Variants in FMNL3 observed in about 807,000 individuals in gnomAD.
The protein encoded by FMNL3 is formin-like protein 3.
Under a neutral mutation model 119.6 loss-of-function variants are expected in FMNL3, and 57 were observed. That is an observed-to-expected ratio of 0.48 (90% CI 0.39 to 0.59). FMNL3 has a LOEUF of 0.59. FMNL3 is among the 20% of genes least tolerant of loss of function. FMNL3 has a pLI of 0.00. For missense variants in FMNL3, 1,053 were observed against 1,323.5 expected, an observed-to-expected ratio of 0.80 and a Z score of 3.17; for synonymous variants, 491 against 507.3, an observed-to-expected ratio of 0.97 and a Z score of 0.43.
rs1208151414 is a variant in FMNL3, at chr12:49,665,881, T to G, written c.319A>C (p.Thr107Pro). 6.2e-7 allele frequency: 1 copy of G among 1,614,144 alleles called. No individual in the cohort carries two copies. The highest frequency in any genetic ancestry group is 1.7e-5 in the Admixed American group (1 of 60,022). Reference protein sequence around the residue: ...KKFRRRVQESTKVLRELEISL... With the variant: ...KKFRRRVQESPKVLRELEISL... ...ATCTCCAGCTCCCTTAGTACTTTGG[T>G]TGACTCCTGCACCCTCCTCCTGAAC... is the stretch of plus-strand genomic sequence containing the variant. The change falls in exon 4 of 26, where the codon ACC becomes CCC. Residue 107 changes from threonine to proline, a missense_variant. Physicochemically the swap from Thr to Pro is conservative, Grantham distance 38. Transcript: ENST00000335154.
intron 13 of FMNL3, among the ~76,000 whole-genome samples, chr12:49,652,556 T>C (rs975790860): frequency 2.6e-5 from 4 of 152,160 alleles, no homozygotes; most frequent in African/African-American, 9.7e-5. Context: ...CCATAACCCT[T>C]TGGGCCTCAT....
intron 8 of FMNL3, 100 bp from the exon 9 acceptor site, chr12:49,656,597 A>T: frequency 8.8e-7 from 1 of 1,133,474 alleles, no homozygotes; most frequent in Non-Finnish European, 1.3e-6. Flanking sequence ...GAGTGGAGAA[A>T]GCCTCAGTGG....
Position 49,649,097 on chromosome 12 carries a change from A to C in FMNL3, c.2447T>G (p.Val816Gly). The C allele has an allele frequency of 6.2e-7, 1 of 1,613,682 alleles. No individual in the cohort carries two copies. Among genetic ancestry groups the C allele is most frequent in the Non-Finnish European group, 8.5e-7 (1 of 1,179,740 alleles). Reference sequence around the variant, plus strand: ...AGCCAGGTCTGGGTATTTCTCCTTCACTGTCAAGGCGATGAAATGAAGCAG... The same window carrying C: ...AGCCAGGTCTGGGTATTTCTCCTTCCCTGTCAAGGCGATGAAATGAAGCAG... ...MTLLHFIALT[V>G]KEKYPDLANF... Residue 816 changes from valine to glycine, a missense_variant, in exon 21 of 26, where the codon GTG (valine) becomes GGG (glycine). Around this residue, in one of 4 missense-constraint regions of FMNL3, gnomAD observed 324 missense variants for 380.9 expected, o/e 0.85. Coordinates refer to ENST00000335154, the MANE Select transcript of FMNL3 (RefSeq NM_175736.5). The surrounding 1 kb of genome is among the most constrained non-coding windows in gnomAD (Gnocchi z 5.6).
At chr12:49,667,273 A>G (rs953567429) in intron 2 of FMNL3, among the ~76,000 whole-genome samples, 3 of 152,136 alleles carry the variant, frequency 2.0e-5, no homozygotes, top group Non-Finnish European at 4.4e-5. Context: ...CAAATCAAAG[A>G]AAAAAACGAA....
intron 3 of FMNL3, 63 bp from the exon 4 acceptor site, chr12:49,665,971 C>A (rs529879552): frequency 1.3e-6 from 2 of 1,580,356 alleles, no homozygotes; most frequent in Non-Finnish European, 1.7e-6. Context: ...CCCTCCATTA[C>A]TGGCCAGCCA....
Position 49,707,103 on chromosome 12 carries a change from C to G in FMNL3, c.78G>C (p.Met26Ile). Reference protein sequence around the residue: ...SVPLLLPPGKMPMPEPCELEE... With the variant: ...SVPLLLPPGKIPMPEPCELEE... ...CCAGCTCACAGGGCTCAGGCATCGG[C>G]ATCTTGCCGGGCGGCAGCAACAACG... The change falls in exon 1 of 26, where the codon ATG becomes ATC. Residue 26 changes from methionine (M) to isoleucine (I), a missense_variant. Physicochemically the swap from Met to Ile is conservative, Grantham distance 10. Transcript: ENST00000335154. 1 of 1,602,416 alleles carries G rather than the reference C, an allele frequency of 6.2e-7. No individual in the cohort carries two copies. The highest frequency in any genetic ancestry group is 2.3e-5 in the East Asian group (1 of 43,896).
chr12:49,662,071 T>A (rs556263073), intron 4 of FMNL3, 22 bp from the exon 5 acceptor site: 4 of 1,612,840 alleles, frequency 2.5e-6, no homozygotes, highest in South Asian at 2.2e-5. Context: ...GGAAACACAG[T>A]GGAAGGGGTC....
chr12:49,666,745 T>C (rs12299386), intron 2 of FMNL3, among the ~76,000 whole-genome samples: 94 of 151,966 alleles, frequency 6.2e-4, no homozygotes, highest in African/African-American at 1.9e-3. Flanking sequence ...TACAGTAAGA[T>C]ATGATCATGC....
chr12:49,643,175 G>A lies in FMNL3; in HGVS notation c.*2640C>T. On this transcript the variant is annotated 3_prime_UTR_variant, in exon 26 of 26. Transcript: ENST00000335154. The stretch of plus-strand genomic sequence containing the variant: ...CTCGAATTCCCAGACGAGGGCTTCT[G>A]GAGGGCAGAGAACCTCTGCACTGAC... 5 of 1,607,500 alleles carry A rather than the reference G, an allele frequency of 3.1e-6. No individual in the cohort carries two copies. The highest frequency in any genetic ancestry group is 4.3e-6 in the Non-Finnish European group (5 of 1,175,846).
Position 49,647,815 on chromosome 12 carries a change from G to T in FMNL3, c.2677-11C>A, listed in dbSNP as rs1401856138. The stretch of plus-strand genomic sequence containing the variant: ...TGCATTGTAGGCCTCCTGGGGAAGG[G>T]GTGGGCAGAATGGGTCACCCTGGCA... On this transcript the variant is annotated splice_polypyrimidine_tract_variant and intron_variant, in intron 22 of 25. Transcript: ENST00000335154. This position sits in a 1 kb window ranked among gnomAD's most constrained non-coding sequence, Gnocchi z 4.9. The T allele has an allele frequency of 3.1e-6, 5 of 1,609,298 alleles. No individual in the cohort carries two copies. In the African/African-American group the frequency reaches 6.7e-5, roughly 22 times the overall value.
Position 49,643,551 on chromosome 12 carries a change from A to G in FMNL3, c.*2264T>C. The G allele has an allele frequency of 7.4e-7, 1 of 1,358,654 alleles. No homozygotes were observed. The highest frequency in any genetic ancestry group is 9.9e-7 in the Non-Finnish European group (1 of 1,006,078). The allele number at this position is 1,358,654 out of a possible 1,614,324, so 84.2% of individuals were successfully genotyped here. A position where few individuals can be genotyped will look rare whatever the true frequency, so the allele number is the denominator to read the frequency against. On this transcript the variant is annotated 3_prime_UTR_variant, in exon 26 of 26. Transcript: ENST00000335154. ...ACTTCCTCTACCTGCCCAAGCAAGA[A>G]GCTGGAGAAGGAAAACTGGACTTAG...
intron 17 of FMNL3, 110 bp from the exon 18 acceptor site, chr12:49,650,035 C>T (rs1039048551): frequency 3.2e-6 from 3 of 942,118 alleles, no homozygotes; most frequent in Non-Finnish European, 4.8e-6. Context: ...GTACACGGAA[C>T]ACAGCCAAAG....
chr12:49,704,710 CAAAAAAAAAAA>C (rs59799899), intron 1 of FMNL3, among the ~76,000 whole-genome samples: 9 of 37,778 alleles, frequency 2.4e-4, no homozygotes, highest in Admixed American at 7.5e-4. Flanking sequence ...AACTCCATCT[CAAAAAAAAAAA>C]AAAAAAAAAA....
chr12:49,686,352 CAGGCGGATCACG>C, intron 1 of FMNL3, among the ~76,000 whole-genome samples: 1 of 151,654 alleles, frequency 6.6e-6, no homozygotes, highest in Non-Finnish European at 1.5e-5. Context: ...GAGGCCGACG[CAGGCGGATCACG>C]AGGTTAGGAG....
chr12:49,656,364 C>G lies in FMNL3; in HGVS notation c.885+40G>C, dbSNP rs764327297. 1.9e-6 allele frequency: 3 copies of G among 1,555,096 alleles called. No individual in the cohort carries two copies. In the South Asian group the frequency reaches 3.4e-5, roughly 18 times the overall value. On this transcript the variant is annotated intron_variant, in intron 9 of 25. Coordinates refer to ENST00000335154, the MANE Select transcript of FMNL3 (RefSeq NM_175736.5). The stretch of plus-strand genomic sequence containing the variant: ...CAACCTAGCTCCCTGCCTTCTCCCC[C>G]GCAAACACACACACACACACGCGAA...
chr12:49,698,270 C>G (rs1360537963), intron 1 of FMNL3, among the ~76,000 whole-genome samples: 1 of 152,164 alleles, frequency 6.6e-6, no homozygotes. Flanking sequence ...TTGGCCATAA[C>G]TCTGGGTGAG....
Position 49,692,451 on chromosome 12 carries a change from T to TA in FMNL3, c.126+14603dup, listed in dbSNP as rs1944631778. On this transcript the variant is annotated intron_variant, in intron 1 of 25. Transcript: ENST00000335154. ...TTCAACCAACTCAAAGCTTATAGAA[T>TA]AAAAAATCAGTCACTATTCAGCCCT... 2.6e-5 allele frequency among the ~76,000 whole-genome samples: 4 copies of TA among 152,038 alleles called. No homozygotes were observed. In the South Asian group the frequency reaches 8.3e-4, roughly 32 times the overall value.
In FMNL3 at chr12:49,644,320, G is replaced by A; in HGVS notation, c.*1495C>T. ...TTTTTCTAAAGTAACCCCACCCCCA[G>A]CACACCATTGTTGGCACCTCTCAAG... On this transcript the variant is annotated 3_prime_UTR_variant, in exon 26 of 26. Coordinates refer to ENST00000335154, the MANE Select transcript of FMNL3 (RefSeq NM_175736.5). 9.6e-7 allele frequency: 1 copy of A among 1,042,238 alleles called. No individual in the cohort carries two copies. 64.6% of individuals were successfully genotyped at this position (1,042,238 alleles called of 1,614,324 possible). A position where few individuals can be genotyped will look rare whatever the true frequency, so the allele number is the denominator to read the frequency against.
intron 1 of FMNL3, among the ~76,000 whole-genome samples, chr12:49,697,253 T>C (rs981884273): frequency 1.3e-5 from 2 of 152,168 alleles, no homozygotes; most frequent in Admixed American, 6.5e-5. Context: ...AGGAATCAGG[T>C]ATTAAACCAA....
Sources: allele counts gnomAD v4.1 joint callset (sites outside exome capture counted in the v4.1 genomes callset), GRCh38; gene constraint gnomAD v4.1.1; regional missense constraint gnomAD v4.1.1; non-coding constraint Gnocchi (gnomAD v3.1); transcripts MANE v1.5; gene names NCBI Gene and HGNC (gene_info 2026-07-23, HGNC 2026-07-21).